SNX4: variants seen among roughly 807,000 people sequenced by gnomAD.
SNX4 encodes sorting nexin 4.
A neutral mutation model predicts 70.8 loss-of-function variants in SNX4; 49 were observed. That is an observed-to-expected ratio of 0.69 (90% CI 0.55 to 0.88). The LOEUF is 0.88. Ranked by LOEUF, SNX4 falls within the 40% of genes least tolerant of loss-of-function variation. The probability of loss-of-function intolerance (pLI) is 0.00; values close to 1 mark genes in which losing one functional copy is unlikely to be tolerated. For missense variants in SNX4, 528 were observed against 544.8 expected, an observed-to-expected ratio of 0.97 and a Z score of 0.31; for synonymous variants, 206 against 183.8, an observed-to-expected ratio of 1.12 and a Z score of -0.98.
chr3:125,497,306 A>G (rs568167262), intron 5 of SNX4, 35 bp downstream of exon 5: 38 of 1,491,350 alleles, frequency 2.5e-5, no homozygotes, highest in Admixed American at 8.7e-5. Flanking sequence ...GGGAACTGTA[A>G]AGGAACATGG....
At chr3:125,466,719 G>A (rs1934029587) in intron 9 of SNX4, among the ~76,000 whole-genome samples, 1 of 152,116 alleles carries the variant, frequency 6.6e-6, no homozygotes, top group Admixed American at 6.6e-5. Context: ...TTGAACTGGG[G>A]AGGAGGAGGC....
At chr3:125,504,332 CAAAAAA>C (rs759738129) in intron 2 of SNX4, among the ~76,000 whole-genome samples, 1 of 60,176 alleles carries the variant, frequency 1.7e-5, no homozygotes, top group Non-Finnish European at 3.2e-5. Context: ...GACTCCATCT[CAAAAAA>C]AAAAAAAAAA....
intron 5 of SNX4, among the ~76,000 whole-genome samples, chr3:125,495,209 T>A (rs1252466349): frequency 7.1e-6 from 1 of 139,906 alleles, no homozygotes; most frequent in African/African-American, 2.5e-5. Context: ...GCCAAACATA[T>A]GACCTCCAGA....
intron 4 of SNX4, 124 bp downstream of exon 4, chr3:125,497,709 AT>A: frequency 1.5e-6 from 1 of 681,498 alleles, no homozygotes; most frequent in Non-Finnish European, 2.3e-6. Context: ...TTAATTAGAA[AT>A]TCATAACAAA....
Position 125,457,352 on chromosome 3 carries a change from T to A in SNX4, c.958A>T (p.Lys320Ter). Residue 320 changes from lysine (K) to a stop codon, truncating the protein, a stop_gained, in exon 11 of 14, where the codon AAA becomes TAA. Transcript: ENST00000251775. LOFTEE classifies it high-confidence loss of function. Reference sequence around the variant, plus strand: ...AAGTCATACTGCATAAGTTCATGTTTCCTGCACACAGCCCTACAGATGAAA... The same window carrying A: ...AAGTCATACTGCATAAGTTCATGTTACCTGCACACAGCCCTACAGATGAAA... ...YAEALRAVCR[K>*]HELMQYDLEM... The A allele has an allele frequency of 6.2e-7, 1 of 1,613,430 alleles. No individual in the cohort carries two copies. The highest frequency in any genetic ancestry group is 8.5e-7 in the Non-Finnish European group (1 of 1,179,358).
chr3:125,494,011 G>A (rs1342742325), intron 5 of SNX4, among the ~76,000 whole-genome samples: 5 of 149,398 alleles, frequency 3.3e-5, no homozygotes, highest in African/African-American at 5.0e-5. Flanking sequence ...CACTCCAGCC[G>A]GGGCGACAGA....
At position 125,497,872 on chromosome 3, in the gene SNX4, G is replaced by A. The variant is rs765838310; in HGVS notation, c.511C>T (p.Leu171Phe). 14 of 1,613,824 alleles carry A rather than the reference G, an allele frequency of 8.7e-6. No individual in the cohort carries two copies. The South Asian group carries it at 1.3e-4, about 15-fold the overall frequency. Residue 171 changes from leucine (L) to phenylalanine (F), a missense_variant, in exon 4 of 14, where the codon CTT (leucine) becomes TTT (phenylalanine). This residue lies in a region of SNX4 where 341 missense variants were observed against 312.2 expected (regional missense o/e 1.09). Coordinates refer to ENST00000251775, the MANE Select transcript of SNX4 (RefSeq NM_003794.4). ...AGATAGAAGATTTTGTCTCTACAAA[G>A]GATGGGATGTGAAGCAATCCTCAAG... Reference protein sequence around the residue: ...FLLRIASHPILCRDKIFYLFL... With the variant: ...FLLRIASHPIFCRDKIFYLFL...
intron 1 of SNX4, among the ~76,000 whole-genome samples, chr3:125,513,197 C>A (rs547675381): frequency 9.3e-4 from 142 of 152,208 alleles, no homozygotes; most frequent in Middle Eastern, 3.4e-3. Flanking sequence ...ATAAAAGAGA[C>A]CCCAGAGAGT....
chr3:125,457,737 C>T (rs759027143), intron 10 of SNX4, among the ~76,000 whole-genome samples: 1 of 151,868 alleles, frequency 6.6e-6, no homozygotes, highest in Non-Finnish European at 1.5e-5. Context: ...GCCACCACAC[C>T]CAGCTAATTT....
At chr3:125,462,363 A>C (rs1363307481) in intron 9 of SNX4, among the ~76,000 whole-genome samples, 1 of 152,042 alleles carries the variant, frequency 6.6e-6, no homozygotes, top group East Asian at 1.9e-4. Flanking sequence ...GTAACTGGAG[A>C]TTGTACACTA....
At chr3:125,458,700 G>C (rs1305216823) in intron 10 of SNX4, among the ~76,000 whole-genome samples, 1 of 151,214 alleles carries the variant, frequency 6.6e-6, no homozygotes, top group Non-Finnish European at 1.5e-5. Flanking sequence ...TGTACTCCCA[G>C]CTACGCGGGA....
intron 11 of SNX4, among the ~76,000 whole-genome samples, chr3:125,456,427 G>A (rs1933717754): frequency 6.6e-6 from 1 of 152,160 alleles, no homozygotes; most frequent in South Asian, 2.1e-4. Context: ...TTGGGAGGCG[G>A]AGGTGGGAGG....
Position 125,495,277 on chromosome 3 carries a change from T to TATATATATATATATATATATACAC in SNX4, c.597+2063_597+2064insGTGTATATATATATATATATATAT. On this transcript the variant is annotated intron_variant, in intron 5 of 13. Transcript: ENST00000251775. ...ATATATATATATATATATATATATA[T>TATATATATATATATATATATACAC]ACACATACACACACACACACGTATG... is the stretch of plus-strand genomic sequence containing the variant. 5.4e-3 allele frequency among the ~76,000 whole-genome samples: 532 copies of TATATATATATATATATATATACAC among 99,412 alleles called. 19 individuals are homozygous for TATATATATATATATATATATACAC. The highest frequency in any genetic ancestry group is 0.014 in the East Asian group (37 of 2,644). 65.2% of individuals were successfully genotyped at this position (99,412 alleles called of 152,430 possible). A position where few individuals can be genotyped will look rare whatever the true frequency, so the allele number is the denominator to read the frequency against.
chr3:125,457,482 G>C (rs1348575856), intron 10 of SNX4, 117 bp from the exon 11 acceptor site: 1 of 598,210 alleles, frequency 1.7e-6, no homozygotes. Context: ...TGTGTGCCCA[G>C]AATTTTCAAG....
At chr3:125,464,472 T>C (rs1220007272) in intron 9 of SNX4, among the ~76,000 whole-genome samples, 2 of 151,908 alleles carry the variant, frequency 1.3e-5, no homozygotes, top group African/African-American at 2.4e-5. Flanking sequence ...CATGTAGATA[T>C]CCAGTTATTC....
Position 125,520,134 on chromosome 3 carries a change from C to T in SNX4, c.39G>A (p.Gln13=), listed in dbSNP as rs769959511. 1 of 1,446,706 alleles carries T rather than the reference C, an allele frequency of 6.9e-7. No individual in the cohort carries two copies. Among genetic ancestry groups the T allele is most frequent in the Admixed American group, 3.0e-5 (1 of 33,130 alleles). 89.6% of individuals were successfully genotyped at this position (1,446,706 alleles called of 1,614,324 possible). ...QAPPDPERQL[Q]PAPLEPLGSP... ...AGCCCAGCGGCTCCAAGGGCGCCGG[C>T]TGGAGCTGCCGCTCGGGGTCCGGAG... Residue 13 remains glutamine, a synonymous_variant, in exon 1 of 14, where the codon CAG becomes CAA. Coordinates refer to ENST00000251775, the MANE Select transcript of SNX4 (RefSeq NM_003794.4).
chr3:125,451,581 G>A (rs1005367136), intron 12 of SNX4, among the ~76,000 whole-genome samples, 162 bp from the exon 13 acceptor site: 1 of 152,044 alleles, frequency 6.6e-6, no homozygotes, highest in African/African-American at 2.4e-5. Flanking sequence ...ATTATAGTTA[G>A]GGAAAAAGCA....
chr3:125,453,764 A>T, intron 12 of SNX4, 46 bp downstream of exon 12: 1 of 1,567,626 alleles, frequency 6.4e-7, no homozygotes, highest in Non-Finnish European at 8.7e-7. Flanking sequence ...ATAATCTACC[A>T]TATAGTCTAC....
At chr3:125,470,904 C>T (rs1329967626) in intron 8 of SNX4, among the ~76,000 whole-genome samples, 1 of 152,138 alleles carries the variant, frequency 6.6e-6, no homozygotes, top group Non-Finnish European at 1.5e-5. Context: ...CAATTAAGAA[C>T]AGACACTCAG....
Sources: allele counts gnomAD v4.1 joint callset (sites outside exome capture counted in the v4.1 genomes callset), GRCh38; gene constraint gnomAD v4.1.1; regional missense constraint gnomAD v4.1.1; transcripts MANE v1.5; gene names NCBI Gene and HGNC (gene_info 2026-07-23, HGNC 2026-07-21).